CACNB4: variants seen among roughly 807,000 people sequenced by gnomAD.
CACNB4 encodes voltage-dependent L-type calcium channel subunit beta-4.
CACNB4 carries 32 observed loss-of-function variants against 71.2 expected under a neutral mutation model. The observed-to-expected ratio is 0.45, with a 90% CI of 0.34 to 0.60. The LOEUF (loss-of-function observed/expected upper bound fraction) is 0.60. Ranked by LOEUF, CACNB4 falls within the 20% of genes least tolerant of loss-of-function variation. CACNB4 has a pLI of 0.01. For missense variants in CACNB4, 464 were observed against 647.9 expected (o/e 0.72, Z 3.08); for synonymous variants, 231 against 236.9 (o/e 0.97, Z 0.23).
chr2:151,878,556 C>CACACACACACACACACAT (rs2099847037), intron 4 of CACNB4, among the ~76,000 whole-genome samples: 1 of 150,560 alleles, frequency 6.6e-6, no homozygotes, highest in Non-Finnish European at 1.5e-5. Flanking sequence ...TGTCTACACA[C>CACACACACACACACACAT]ACACACACAC....
At chr2:151,985,866 C>T (rs1270850415) in intron 2 of CACNB4, among the ~76,000 whole-genome samples, 1 of 152,124 alleles carries the variant, frequency 6.6e-6, no homozygotes, top group Non-Finnish European at 1.5e-5. Flanking sequence ...TAATGGCTCT[C>T]AACAACGGCA....
intron 2 of CACNB4, among the ~76,000 whole-genome samples, chr2:152,011,187 G>T (rs1361536594): frequency 6.6e-6 from 1 of 152,186 alleles, no homozygotes; most frequent in African/African-American, 2.4e-5. Context: ...TCATTGAGAT[G>T]AAGTCATCTA....
Position 151,949,528 on chromosome 2 carries a change from T to C in CACNB4, c.148-66158A>G, listed in dbSNP as rs2099866389. ...ACACATATGCAAAGGCAAGAAGGTA[T>C]AAAACAGCATGGTCCGTTCAGGGAC... On this transcript the variant is annotated intron_variant, in intron 2 of 13. Transcript: ENST00000539935. 1.3e-5 allele frequency among the ~76,000 whole-genome samples: 2 copies of C among 152,034 alleles called. 1 individual carries two copies. Among genetic ancestry groups the C allele is most frequent in the South Asian group, 4.1e-4 (2 of 4,824 alleles).
intron 2 of CACNB4, among the ~76,000 whole-genome samples, chr2:151,920,987 A>C (rs1036105098): frequency 5.3e-5 from 8 of 151,868 alleles, no homozygotes; most frequent in East Asian, 3.9e-4. Context: ...AAATACAAAA[A>C]GAAATTAGCT....
chr2:152,066,660 C>T (rs1004542149), intron 2 of CACNB4, among the ~76,000 whole-genome samples: 5 of 150,484 alleles, frequency 3.3e-5, no homozygotes, highest in Non-Finnish European at 7.4e-5. Context: ...ACCCAAAGGA[C>T]TATAAATCAT....
intron 2 of CACNB4, among the ~76,000 whole-genome samples, chr2:151,951,312 C>G (rs1288842788): frequency 6.6e-6 from 1 of 151,868 alleles, no homozygotes; most frequent in Non-Finnish European, 1.5e-5. Flanking sequence ...CAACTAATAA[C>G]CAAATGTCAC....
chr2:151,841,653 G>T, intron 13 of CACNB4: 1 of 427,604 alleles, frequency 2.3e-6, no homozygotes, highest in Non-Finnish European at 4.1e-6. Flanking sequence ...TTAGACATAG[G>T]AGGAGTTAAT....
intron 10 of CACNB4, 74 bp from the exon 11 acceptor site, chr2:151,855,449 T>C: frequency 9.0e-7 from 1 of 1,115,070 alleles, no homozygotes; most frequent in Non-Finnish European, 1.3e-6. Flanking sequence ...ATATAGTATA[T>C]TTTCAGATAT....
At chr2:151,921,569 A>C (rs1261866878) in intron 2 of CACNB4, among the ~76,000 whole-genome samples, 1 of 152,198 alleles carries the variant, frequency 6.6e-6, no homozygotes, top group East Asian at 1.9e-4. Context: ...GGAGGCTCTA[A>C]GGGAGGATCT....
chr2:151,882,519 T>A (rs3820703), intron 3 of CACNB4, among the ~76,000 whole-genome samples: 14,465 of 152,112 alleles, frequency 0.095, 1,221 homozygotes, highest in Admixed American at 0.22. Flanking sequence ...TGTCTTGTAT[T>A]TTGCTATTGT....
At chr2:151,991,910 G>A (rs886542051) in intron 2 of CACNB4, among the ~76,000 whole-genome samples, 4 of 152,184 alleles carry the variant, frequency 2.6e-5, no homozygotes, top group Admixed American at 6.5e-5. Flanking sequence ...ACAAAAGAGC[G>A]AATCCAGGAA....
At position 152,038,716 on chromosome 2, in the gene CACNB4, T is replaced by TTTGGGAGTCTTTGTGA. The variant is rs529962321; in HGVS notation, c.147+59613_147+59614insTCACAAAGACTCCCAA. Among the ~76,000 whole-genome samples, 9 of 152,304 alleles carry TTTGGGAGTCTTTGTGA rather than the reference T, an allele frequency of 5.9e-5. No individual in the cohort carries two copies. The South Asian group carries it at 1.9e-3, about 32-fold the overall frequency. On this transcript the variant is annotated intron_variant, in intron 2 of 13. Transcript: ENST00000539935. ...CAGCCATTTTCAAAGACTCATGGCA[T>TTTGGGAGTCTTTGTGA]GTGAGATTGGGAGGAGGGTGACCAG...
intron 2 of CACNB4, among the ~76,000 whole-genome samples, chr2:151,930,065 T>A (rs999370481): frequency 2.0e-5 from 3 of 151,674 alleles, no homozygotes; most frequent in Non-Finnish European, 4.4e-5. Context: ...CAGGAAAAAA[T>A]AAGTGAATGG....
At chr2:151,901,665 T>C (rs544453512) in intron 2 of CACNB4, among the ~76,000 whole-genome samples, 3 of 152,214 alleles carry the variant, frequency 2.0e-5, no homozygotes, top group Non-Finnish European at 4.4e-5. Context: ...GCTATTGAAA[T>C]GTGGTCTGGT....
At chr2:152,032,742 G>T (rs1416984402) in intron 2 of CACNB4, among the ~76,000 whole-genome samples, 1 of 151,962 alleles carries the variant, frequency 6.6e-6, no homozygotes, top group Non-Finnish European at 1.5e-5. Context: ...GAGGCAGGAA[G>T]ATTACTTCAA....
intron 2 of CACNB4, among the ~76,000 whole-genome samples, chr2:151,943,669 G>A (rs566831076): frequency 6.6e-6 from 1 of 152,308 alleles, no homozygotes; most frequent in African/African-American, 2.4e-5. Context: ...CCAGTTCTGG[G>A]TGCCTCATAT....
At chr2:152,086,683 T>G (rs1160289235) in intron 2 of CACNB4, among the ~76,000 whole-genome samples, 1 of 152,256 alleles carries the variant, frequency 6.6e-6, no homozygotes, top group Non-Finnish European at 1.5e-5. Context: ...TAGAAATTAT[T>G]GAAAACGATG....
chr2:151,881,570 C>CCAGT (rs1371969918), intron 3 of CACNB4, among the ~76,000 whole-genome samples: 1 of 152,222 alleles, frequency 6.6e-6, no homozygotes, highest in Non-Finnish European at 1.5e-5. Flanking sequence ...AAACCACCAG[C>CCAGT]CTAAGCAAAC....
intron 2 of CACNB4, among the ~76,000 whole-genome samples, chr2:152,027,971 C>T (rs961503016): frequency 1.3e-5 from 2 of 150,746 alleles, no homozygotes; most frequent in Admixed American, 6.6e-5. Context: ...TTGTGAGTAA[C>T]AGATCTTTTT....
Sources: allele counts gnomAD v4.1 joint callset (sites outside exome capture counted in the v4.1 genomes callset), GRCh38; gene constraint gnomAD v4.1.1; transcripts MANE v1.5; gene names NCBI Gene and HGNC (gene_info 2026-07-23, HGNC 2026-07-21).